Variants in PLEKHG1 observed in about 807,000 individuals in gnomAD.
The protein encoded by PLEKHG1 is pleckstrin homology domain-containing family G member 1.
A neutral mutation model predicts 100.8 loss-of-function variants in PLEKHG1; 44 were observed. The observed-to-expected ratio is 0.44, with a 90% CI of 0.34 to 0.56. The LOEUF (loss-of-function observed/expected upper bound fraction) is 0.56. PLEKHG1 is among the 20% of genes least tolerant of loss of function. PLEKHG1 has a pLI of 0.01. For missense variants in PLEKHG1, 1,545 were observed against 1,720.9 expected, an observed-to-expected ratio of 0.90 and a Z score of 1.81; for synonymous variants, 640 against 662.5, an observed-to-expected ratio of 0.97 and a Z score of 0.52.
chr6:150,815,321 C>G (rs1787803978), intron 10 of PLEKHG1, among the ~76,000 whole-genome samples: 1 of 152,132 alleles, frequency 6.6e-6, no homozygotes, highest in Non-Finnish European at 1.5e-5. Context: ...TGGCTGACAC[C>G]TAGTGGAAAT....
chr6:150,673,730 G>C (rs553519599), intron 3 of PLEKHG1, among the ~76,000 whole-genome samples: 18 of 151,342 alleles, frequency 1.2e-4, no homozygotes, highest in African/African-American at 4.4e-4. Context: ...GCACAATCAC[G>C]ACTCACTGCA....
intron 2 of PLEKHG1, among the ~76,000 whole-genome samples, chr6:150,754,482 G>C (rs764963923): frequency 1.2e-4 from 18 of 152,092 alleles, no homozygotes; most frequent in Admixed American, 2.6e-4. Flanking sequence ...TAGAGAGCTG[G>C]GTTAGGATGT....
At chr6:150,778,939 T>C (rs935414644) in intron 3 of PLEKHG1, among the ~76,000 whole-genome samples, 1 of 152,202 alleles carries the variant, frequency 6.6e-6, no homozygotes, top group East Asian at 1.9e-4. Context: ...GTTGAAGATA[T>C]GACAGTGTGG....
intron 3 of PLEKHG1, among the ~76,000 whole-genome samples, chr6:150,784,690 T>C (rs1205196545): frequency 6.6e-6 from 1 of 152,028 alleles, no homozygotes; most frequent in Admixed American, 6.6e-5. Flanking sequence ...ATCTGATATT[T>C]GAACACAGTG....
chr6:150,710,677 CA>C (rs1781212443), intron 3 of PLEKHG1, among the ~76,000 whole-genome samples: 2 of 151,946 alleles, frequency 1.3e-5, no homozygotes, highest in South Asian at 4.1e-4. Context: ...TATTTGCAAA[CA>C]AGATTGCCCA....
intron 10 of PLEKHG1, among the ~76,000 whole-genome samples, chr6:150,815,221 A>C (rs2128674078): frequency 6.6e-6 from 1 of 152,340 alleles, no homozygotes; most frequent in East Asian, 1.9e-4. Flanking sequence ...GAAATGTATC[A>C]CCAGTCTAAT....
exon 16 of PLEKHG1, chr6:150,842,057 C>A (rs1433966496): frequency 1.3e-5 from 2 of 152,102 alleles, no homozygotes; most frequent in Non-Finnish European, 2.9e-5. Context: ...TATATTCTGA[C>A]CATTTGTCAC....
intron 13 of PLEKHG1, among the ~76,000 whole-genome samples, chr6:150,822,364 G>T (rs1776356410): frequency 6.6e-6 from 1 of 152,092 alleles, no homozygotes; most frequent in South Asian, 2.1e-4. Context: ...TTTTTGCAAC[G>T]CTTCAGGGGC....
intron 3 of PLEKHG1, among the ~76,000 whole-genome samples, chr6:150,670,538 T>C (rs1248415968): frequency 6.6e-6 from 1 of 152,128 alleles, no homozygotes; most frequent in African/African-American, 2.4e-5. Context: ...CCCCCTGGAG[T>C]TGTACCAACA....
At chr6:150,838,220 G>A (rs1217086107) in intron 15 of PLEKHG1, among the ~76,000 whole-genome samples, 1 of 152,170 alleles carries the variant, frequency 6.6e-6, no homozygotes, top group Non-Finnish European at 1.5e-5. Flanking sequence ...GTTACCTGCT[G>A]GTTGTCATAT....
chr6:150,756,811 A>G (rs1487081839), intron 2 of PLEKHG1, among the ~76,000 whole-genome samples: 1 of 152,190 alleles, frequency 6.6e-6, no homozygotes, highest in Admixed American at 6.6e-5. Context: ...GTTATCCACC[A>G]AATGAACACT....
At position 150,691,442 on chromosome 6, in the gene PLEKHG1, G is replaced by T. The variant is rs566286938; in HGVS notation, c.-99+40656G>T. Among the ~76,000 whole-genome samples, 16 of 152,232 alleles carry T rather than the reference G, an allele frequency of 1.1e-4. 1 individual carries two copies. The South Asian group carries it at 3.3e-3, about 32-fold the overall frequency. On this transcript the variant is annotated intron_variant, in intron 3 of 3. Transcript: ENST00000367326. Reference sequence around the variant, plus strand: ...TTTTTATATATGGCCTGTGTAATCTGTCTTGATGCTTTGTAAGCCAAACCA... The same window carrying T: ...TTTTTATATATGGCCTGTGTAATCTTTCTTGATGCTTTGTAAGCCAAACCA...
chr6:150,705,395 G>T (rs956284859), intron 3 of PLEKHG1, among the ~76,000 whole-genome samples: 1 of 152,238 alleles, frequency 6.6e-6, no homozygotes, highest in Non-Finnish European at 1.5e-5. Flanking sequence ...AGAATCCCCT[G>T]TTCTCTGACA....
chr6:150,630,492 A>G (rs1254583566), intron 1 of PLEKHG1, among the ~76,000 whole-genome samples: 1 of 152,166 alleles, frequency 6.6e-6, no homozygotes, highest in Non-Finnish European at 1.5e-5. Context: ...AAGATAAGGG[A>G]TGAAGCCAAG....
chr6:150,814,012 A>G (rs915126367), intron 10 of PLEKHG1, among the ~76,000 whole-genome samples: 1 of 152,198 alleles, frequency 6.6e-6, no homozygotes, highest in African/African-American at 2.4e-5. Flanking sequence ...TTTGACAAGC[A>G]TTTGAAGCTT....
intron 9 of PLEKHG1, 79 bp from the exon 11 acceptor site, chr6:150,809,569 T>A: frequency 6.7e-7 from 1 of 1,489,374 alleles, no homozygotes; most frequent in Admixed American, 1.7e-5. Context: ...TCTGGCCACA[T>A]GGTCATTTCC....
chr6:150,686,946 C>A (rs1403099948), intron 3 of PLEKHG1: 1 of 152,626 alleles, frequency 6.6e-6, no homozygotes, highest in Non-Finnish European at 1.5e-5. Flanking sequence ...AGGGCTGAGT[C>A]AAAACTTCTT....
At chr6:150,628,613 C>A (rs1777614290) in intron 1 of PLEKHG1, among the ~76,000 whole-genome samples, 1 of 147,908 alleles carries the variant, frequency 6.8e-6, no homozygotes, top group African/African-American at 2.5e-5. Context: ...CCCTCTATAT[C>A]TGGATTAAGT....
At chr6:150,830,742 C>T (rs921342886) in exon 15 of PLEKHG1, 1 of 1,614,126 alleles carries the variant, frequency 6.2e-7, no homozygotes, top group East Asian at 2.2e-5. Flanking sequence ...GCCTTGTTTC[C>T]CAGCCGACGG....
Sources: gnomAD v4.1 joint callset for allele counts (sites outside exome capture counted in the v4.1 genomes callset) on GRCh38, gnomAD v4.1.1 for gene constraint, MANE v1.5 for transcripts, NCBI Gene and HGNC (gene_info 2026-07-23, HGNC 2026-07-21) for gene names.